The following CNTNAP4 variants were observed in gnomAD, a reference collection of about 807,000 sequenced individuals.
The protein encoded by CNTNAP4 is contactin-associated protein-like 4.
A neutral mutation model predicts 148.4 loss-of-function variants in CNTNAP4; 98 were observed. The ratio of observed to expected loss-of-function variants is 0.66; its 90% CI spans 0.56 to 0.78. The LOEUF is 0.78. Among genes scored for constraint, CNTNAP4 ranks in the 30% least tolerant of loss-of-function variants. CNTNAP4 has a pLI of 0.00. For missense variants in CNTNAP4, 1,935 were observed against 1,565.6 expected (o/e 1.24, Z -3.98); for synonymous variants, 730 against 565.1 (o/e 1.29, Z -4.14).
At chr16:76,281,247 C>G (rs1958676066) in intron 1 of CNTNAP4, among the ~76,000 whole-genome samples, 1 of 152,026 alleles carries the variant, frequency 6.6e-6, no homozygotes, top group Non-Finnish European at 1.5e-5. Flanking sequence ...ACCATATTTA[C>G]TCCTATAGCA....
At chr16:76,484,275 GA>G (rs10622949) in intron 12 of CNTNAP4, among the ~76,000 whole-genome samples, 79 of 71,236 alleles carry the variant, frequency 1.1e-3, no homozygotes, top group Non-Finnish European at 1.2e-3. Flanking sequence ...GGAGAGAAAT[GA>G]AAAAAAAAAA....
chr16:76,427,639 A>G lies in CNTNAP4; in HGVS notation c.538+40A>G, dbSNP rs776405333. ...ATCCAATACACTGACATAGATATCA[A>G]AAGAGATGTTTTAAAAGCCAAACTA... On this transcript the variant is annotated intron_variant, in intron 4 of 23. Coordinates refer to ENST00000611870, the MANE Select transcript of CNTNAP4 (RefSeq NM_033401.5). The G allele has an allele frequency of 3.7e-5, 56 of 1,512,870 alleles. No individual in the cohort carries two copies. The African/African-American group carries it at 7.7e-4, about 21-fold the overall frequency. 93.7% of individuals were successfully genotyped at this position (1,512,870 alleles called of 1,614,324 possible). A position where few individuals can be genotyped will look rare whatever the true frequency, so the allele number is the denominator to read the frequency against.
rs113109192 is a variant in CNTNAP4, at chr16:76,414,311, G to A, written c.391-13141G>A. Among the ~76,000 whole-genome samples the A allele has an allele frequency of 5.7e-3, 868 of 151,432 alleles. 6 individuals are homozygous for A. Among genetic ancestry groups the A allele is most frequent in the South Asian group, 0.011 (52 of 4,818 alleles). ...GTGAGAAAACCATATGTTACTTAAT[G>A]TGATAAATTACATTGAATGACTTTT... On this transcript the variant is annotated intron_variant, in intron 3 of 23. Coordinates refer to ENST00000611870, the MANE Select transcript of CNTNAP4 (RefSeq NM_033401.5).
intron 15 of CNTNAP4, among the ~76,000 whole-genome samples, chr16:76,514,043 C>T (rs1039905386): frequency 6.6e-6 from 1 of 152,102 alleles, no homozygotes; most frequent in Non-Finnish European, 1.5e-5. Flanking sequence ...CTTGGATTGA[C>T]CAGATTTACC....
chr16:76,287,006 T>G (rs1374625750), intron 1 of CNTNAP4, among the ~76,000 whole-genome samples: 1 of 152,212 alleles, frequency 6.6e-6, no homozygotes, highest in African/African-American at 2.4e-5. Context: ...TTATTTGAAC[T>G]GCTGTACTTT....
rs192371372 is a variant in CNTNAP4, at chr16:76,324,762, G to A, written c.196+8239G>A. Among the ~76,000 whole-genome samples, 111 of 152,148 alleles carry A rather than the reference G, an allele frequency of 7.3e-4. 1 individual carries two copies. The highest frequency in any genetic ancestry group is 2.5e-3 in the African/African-American group (104 of 41,514). On this transcript the variant is annotated intron_variant, in intron 2 of 23. Coordinates refer to ENST00000611870, the MANE Select transcript of CNTNAP4 (RefSeq NM_033401.5). ...CTCTCTCCTGAATTTATGCTTAAGT[G>A]ACCTTTCCTGGTACTTACTCATGAA...
At chr16:76,417,078 T>C (rs946836052) in intron 3 of CNTNAP4, among the ~76,000 whole-genome samples, 5 of 151,518 alleles carry the variant, frequency 3.3e-5, no homozygotes. Flanking sequence ...TCTTCATCCA[T>C]TTACTTTTAA....
chr16:76,515,741 C>T (rs867000270), intron 15 of CNTNAP4, among the ~76,000 whole-genome samples: 1 of 151,976 alleles, frequency 6.6e-6, no homozygotes, highest in African/African-American at 2.4e-5. Context: ...AACTGCTAGG[C>T]AAATGCATAT....
intron 2 of CNTNAP4, among the ~76,000 whole-genome samples, chr16:76,330,302 C>G (rs1963390742): frequency 6.6e-6 from 1 of 152,148 alleles, no homozygotes; most frequent in African/African-American, 2.4e-5. Flanking sequence ...ATCTCTGTCT[C>G]TTAAACTCCT....
At chr16:76,316,908 A>T (rs2866710) in intron 2 of CNTNAP4, among the ~76,000 whole-genome samples, 1 of 151,942 alleles carries the variant, frequency 6.6e-6, no homozygotes, top group South Asian at 2.1e-4. Context: ...TGGATTCTCA[A>T]TGTGGTTGAC....
intron 8 of CNTNAP4, among the ~76,000 whole-genome samples, chr16:76,453,972 C>T (rs189547515): frequency 1.3e-5 from 2 of 152,108 alleles, no homozygotes; most frequent in African/African-American, 4.8e-5. Context: ...TGTAAGCTTG[C>T]CATTAGTGTG....
chr16:76,488,615 A>G (rs770676730), intron 12 of CNTNAP4, among the ~76,000 whole-genome samples: 4 of 152,152 alleles, frequency 2.6e-5, no homozygotes, highest in Non-Finnish European at 5.9e-5. Context: ...TTTTTCTCCA[A>G]TTTGGGATAT....
At chr16:76,449,946 A>G (rs957378151) in intron 7 of CNTNAP4, 88 bp downstream of exon 7, 15 of 1,187,200 alleles carry the variant, frequency 1.3e-5, no homozygotes, top group Non-Finnish European at 1.6e-5. Context: ...CCCATTTGAC[A>G]TGGGGTTTTA....
intron 3 of CNTNAP4, among the ~76,000 whole-genome samples, chr16:76,413,764 A>T (rs1382458480): frequency 2.0e-5 from 3 of 151,076 alleles, no homozygotes; most frequent in Admixed American, 6.6e-5. Context: ...AACCTTTAAA[A>T]TTTTTCTCAA....
chr16:76,521,020 T>C, intron 15 of CNTNAP4, 120 bp from the exon 16 acceptor site: 1 of 895,044 alleles, frequency 1.1e-6, no homozygotes, highest in African/African-American at 1.7e-5. Context: ...AGCAGATTTG[T>C]ATAAATAACA....
At position 76,492,279 on chromosome 16, in the gene CNTNAP4, G is replaced by C. The variant is rs560038938; in HGVS notation, c.2080+2396G>C. On this transcript the variant is annotated intron_variant, in intron 13 of 23. Coordinates refer to ENST00000611870, the MANE Select transcript of CNTNAP4 (RefSeq NM_033401.5). ...ATTCTCACCATAAAAATATAAAGTA[G>C]CTATGTTAAGTGGTGGGTATGTTAA... Among the ~76,000 whole-genome samples, 9 of 151,626 alleles carry C rather than the reference G, an allele frequency of 5.9e-5. No homozygotes were observed. In the East Asian group the frequency reaches 1.4e-3, roughly 23 times the overall value.
chr16:76,472,909 A>C (rs1419948048), intron 10 of CNTNAP4, among the ~76,000 whole-genome samples: 4 of 152,148 alleles, frequency 2.6e-5, no homozygotes, highest in African/African-American at 9.7e-5. Flanking sequence ...TCATGACACA[A>C]GTTTACCTGG....
intron 4 of CNTNAP4, among the ~76,000 whole-genome samples, chr16:76,447,222 G>T (rs560465630): frequency 1.3e-4 from 19 of 151,954 alleles, no homozygotes; most frequent in African/African-American, 4.3e-4. Flanking sequence ...AGGTGGGAGG[G>T]TCGCTTGAGC....
intron 1 of CNTNAP4, among the ~76,000 whole-genome samples, chr16:76,313,519 G>A (rs556055179): frequency 3.9e-5 from 6 of 152,198 alleles, no homozygotes; most frequent in African/African-American, 1.4e-4. Context: ...ACCACTCCAT[G>A]GGTTGTATAT....
Sources: gnomAD v4.1 joint callset for allele counts (sites outside exome capture counted in the v4.1 genomes callset) on GRCh38, gnomAD v4.1.1 for gene constraint, MANE v1.5 for transcripts, NCBI Gene and HGNC (gene_info 2026-07-23, HGNC 2026-07-21) for gene names.